INPP4B: variants seen among roughly 807,000 people sequenced by gnomAD.
INPP4B encodes the protein inositol polyphosphate-4-phosphatase type II B.
Under a neutral mutation model 122.5 loss-of-function variants are expected in INPP4B, and 55 were observed. The ratio of observed to expected loss-of-function variants is 0.45; its 90% CI spans 0.36 to 0.56. The LOEUF is 0.56. Ranked by LOEUF, INPP4B falls within the 20% of genes least tolerant of loss-of-function variation. The pLI is 0.00. For missense variants in INPP4B, 1,000 were observed against 1,097.7 expected (o/e 0.91, Z 1.26); for synonymous variants, 403 against 388.7 (o/e 1.04, Z -0.43).
At chr4:142,272,354 A>G (rs1746267310) in intron 9 of INPP4B, among the ~76,000 whole-genome samples, 1 of 152,104 alleles carries the variant, frequency 6.6e-6, no homozygotes, top group South Asian at 2.1e-4. Context: ...GAAAATTAAA[A>G]GAGAAAATTT....
chr4:142,493,384 A>G (rs1593360), intron 2 of INPP4B, among the ~76,000 whole-genome samples: 79,030 of 151,892 alleles, frequency 0.52, 21,670 homozygotes, highest in African/African-American at 0.69. Context: ...TAGATCCATC[A>G]CCACCTTGCA....
intron 1 of INPP4B, among the ~76,000 whole-genome samples, chr4:142,772,870 C>T (rs12506296): frequency 0.025 from 3,794 of 151,844 alleles, 61 homozygotes; most frequent in Middle Eastern, 0.095. Flanking sequence ...CATGGTGAAA[C>T]GCTGTCTCTA....
chr4:142,792,538 G>A (rs902849516), intron 1 of INPP4B, among the ~76,000 whole-genome samples: 5 of 151,940 alleles, frequency 3.3e-5, no homozygotes, highest in African/African-American at 4.8e-5. Flanking sequence ...ATTGCCCCAA[G>A]GTCTTTTTCT....
chr4:142,723,928 C>T (rs1765017200), intron 2 of INPP4B, among the ~76,000 whole-genome samples: 1 of 152,078 alleles, frequency 6.6e-6, no homozygotes, highest in Non-Finnish European at 1.5e-5. Flanking sequence ...ACATAAACGT[C>T]ATTTCTCCTG....
At position 142,253,712 on chromosome 4, in the gene INPP4B, G is replaced by A. The variant is rs192863184; in HGVS notation, c.688+6780C>T. Reference sequence around the variant, plus strand: ...CTGGCTCGGAGGGTCCTACGCCCACGGAGTCTGGCTGACTGCTAGCACAGC... The same window carrying A: ...CTGGCTCGGAGGGTCCTACGCCCACAGAGTCTGGCTGACTGCTAGCACAGC... On this transcript the variant is annotated intron_variant, in intron 11 of 25. Transcript: ENST00000262992. 4.9e-3 allele frequency among the ~76,000 whole-genome samples: 750 copies of A among 152,348 alleles called. 10 individuals are homozygous for A. The highest frequency in any genetic ancestry group is 0.017 in the African/African-American group (711 of 41,590).
chr4:142,032,027 G>A (rs931129955), intron 25 of INPP4B, among the ~76,000 whole-genome samples: 1 of 152,204 alleles, frequency 6.6e-6, no homozygotes, highest in Non-Finnish European at 1.5e-5. Context: ...CAGAGACAGA[G>A]AGAATTTTAA....
intron 11 of INPP4B, among the ~76,000 whole-genome samples, chr4:142,255,467 A>G (rs6821652): frequency 1 from 152,100 of 152,246 alleles, 75,977 homozygotes; most frequent in Middle Eastern, 1. Flanking sequence ...CCCATCTCAC[A>G]TGCAGACACA....
chr4:142,090,407 T>C (rs1027750593), intron 23 of INPP4B, among the ~76,000 whole-genome samples: 2 of 150,916 alleles, frequency 1.3e-5, no homozygotes, highest in African/African-American at 4.9e-5. Flanking sequence ...TTTTTTTTTT[T>C]TTCAACCCAA....
rs762004513 is a variant in INPP4B, at chr4:142,402,996, T to A, written c.314A>T (p.Tyr105Phe). The change falls in exon 7 of 26, where the codon TAT (tyrosine) becomes TTT (phenylalanine). Residue 105 changes from tyrosine (Y) to phenylalanine (F), a missense_variant. By Grantham distance (22) the Tyr-to-Phe change is conservative (BLOSUM62 3). Coordinates refer to ENST00000262992, the MANE Select transcript of INPP4B (RefSeq NM_001101669.3). ...TGTTAGTTTTATTTTGGTCTCCTCA[T>A]AGATGGGATACTCAGATGGGAATGT... is the stretch of plus-strand genomic sequence containing the variant. ...GVTFPSEYPI[Y>F]EETKIKLTVY... 2.9e-5 allele frequency: 46 copies of A among 1,611,424 alleles called. No homozygotes were observed. The highest frequency in any genetic ancestry group is 8.5e-7 in the Non-Finnish European group (1 of 1,177,652).
chr4:142,184,301 CCTT>C (rs996343838), intron 15 of INPP4B, among the ~76,000 whole-genome samples: 2 of 152,124 alleles, frequency 1.3e-5, no homozygotes, highest in African/African-American at 4.8e-5. Flanking sequence ...AAATTGTCTC[CCTT>C]CTTCTTTCGG....
At chr4:142,525,261 A>T (rs1269257023) in intron 2 of INPP4B, among the ~76,000 whole-genome samples, 4 of 151,946 alleles carry the variant, frequency 2.6e-5, no homozygotes, top group African/African-American at 9.7e-5. Context: ...ATGGAAGAAC[A>T]TTCCATGCTC....
intron 25 of INPP4B, chr4:142,029,956 C>A: frequency 4.6e-6 from 6 of 1,309,406 alleles, no homozygotes; most frequent in Admixed American, 3.3e-5. Context: ...CAAAATAATC[C>A]ACCTAATGCA....
intron 2 of INPP4B, among the ~76,000 whole-genome samples, chr4:142,607,400 A>G (rs1459549829): frequency 1.3e-5 from 2 of 152,106 alleles, no homozygotes; most frequent in African/African-American, 4.8e-5. Flanking sequence ...AGGTAAGTTA[A>G]TAAGAGGCAT....
intron 12 of INPP4B, among the ~76,000 whole-genome samples, chr4:142,235,460 C>T (rs1856287122): frequency 1.3e-5 from 2 of 152,018 alleles, no homozygotes; most frequent in Non-Finnish European, 2.9e-5. Context: ...CTCGCTCTGT[C>T]GCCGAGGCTG....
At chr4:142,124,158 T>A (rs1797715532) in intron 19 of INPP4B, among the ~76,000 whole-genome samples, 1 of 152,074 alleles carries the variant, frequency 6.6e-6, no homozygotes, top group African/African-American at 2.4e-5. Context: ...TAAGAGATAA[T>A]TGTGAAATCC....
At chr4:142,042,837 AGGCATG>A (rs1748949475) in intron 25 of INPP4B, among the ~76,000 whole-genome samples, 1 of 152,160 alleles carries the variant, frequency 6.6e-6, no homozygotes, top group African/African-American at 2.4e-5. Flanking sequence ...CTGGGATTAC[AGGCATG>A]AGCCACCGCG....
intron 3 of INPP4B, among the ~76,000 whole-genome samples, chr4:142,437,302 G>A (rs1603583): frequency 0.96 from 146,419 of 152,170 alleles, 70,706 homozygotes; most frequent in East Asian, 1. Flanking sequence ...GACTGAACCT[G>A]CAACTGTTTG....
At chr4:142,813,282 C>A (rs1580978837) in intron 1 of INPP4B, among the ~76,000 whole-genome samples, 1 of 152,132 alleles carries the variant, frequency 6.6e-6, no homozygotes, top group Non-Finnish European at 1.5e-5. Flanking sequence ...ATTCTTATAA[C>A]AACCTGTTCT....
chr4:142,392,841 G>T (rs188375050), intron 7 of INPP4B, among the ~76,000 whole-genome samples: 298 of 152,290 alleles, frequency 2.0e-3, no homozygotes, highest in African/African-American at 6.9e-3. Context: ...CAATTCAGTT[G>T]CAGGGAATTA....
Sources: allele counts gnomAD v4.1 joint callset (sites outside exome capture counted in the v4.1 genomes callset), GRCh38; gene constraint gnomAD v4.1.1; transcripts MANE v1.5; gene names NCBI Gene and HGNC (gene_info 2026-07-23, HGNC 2026-07-21).